The following TMEM114 variants were observed in gnomAD, a reference collection of about 807,000 sequenced individuals.
TMEM114 encodes the protein transmembrane protein 114.
A neutral mutation model predicts 6.2 loss-of-function variants in TMEM114; 6 were observed. That is an observed-to-expected ratio of 0.97 (90% CI 0.53 to 1.91). TMEM114 has a LOEUF of 1.91. Among genes scored for constraint, TMEM114 ranks in the 40% most tolerant of loss-of-function variants. The pLI is 0.01. For missense variants in TMEM114, 218 were observed against 158.3 expected (o/e 1.38, Z -2.02); for synonymous variants, 104 against 73.0 (o/e 1.42, Z -2.16).
intron 2 of TMEM114, among the ~76,000 whole-genome samples, chr16:8,554,195 C>T (rs994056751): frequency 1.8e-4 from 27 of 151,958 alleles, no homozygotes; most frequent in African/African-American, 5.8e-4. Flanking sequence ...GGCTTCTGTT[C>T]TTTAATTTTC....
At chr16:8,531,123 C>T in the TMEM114 span, among the ~76,000 whole-genome samples, 1 of 152,058 alleles carries the variant, frequency 6.6e-6, no homozygotes, top group Non-Finnish European at 1.5e-5. Context: ...ATGCATTAAG[C>T]AAAATATTTT....
chr16:8,566,759 C>G (rs866095325), downstream of TMEM114, among the ~76,000 whole-genome samples: 2 of 152,308 alleles, frequency 1.3e-5, no homozygotes, highest in Middle Eastern at 6.8e-3. Flanking sequence ...TCTGCTGTCA[C>G]CTGCCTGGTC....
chr16:8,572,975 C>G (rs1168505953), intron 2 of TMEM114, among the ~76,000 whole-genome samples: 3 of 152,176 alleles, frequency 2.0e-5, no homozygotes, highest in African/African-American at 4.8e-5. Context: ...ATCCTTCTCC[C>G]AAGGCTGGCT....
chr16:8,563,310 T>TGAGG (rs1227409370), intron 2 of TMEM114, among the ~76,000 whole-genome samples: 4 of 149,006 alleles, frequency 2.7e-5, no homozygotes, highest in Admixed American at 2.7e-4. Context: ...AATGAGTGAG[T>TGAGG]GAGGGAGGGA....
intron 2 of TMEM114, among the ~76,000 whole-genome samples, chr16:8,559,426 C>G (rs1020774348): frequency 2.0e-5 from 3 of 152,084 alleles, no homozygotes; most frequent in African/African-American, 7.2e-5. Flanking sequence ...AAAACAATGG[C>G]TGCTTCAAGC....
intron 2 of TMEM114, among the ~76,000 whole-genome samples, chr16:8,582,005 T>A (rs1902168189): frequency 6.6e-6 from 1 of 152,126 alleles, no homozygotes; most frequent in South Asian, 2.1e-4. Context: ...GTCCCTCACC[T>A]CCTCCACTCT....
chr16:8,581,364 G>C (rs975838660), intron 2 of TMEM114, among the ~76,000 whole-genome samples: 1 of 152,088 alleles, frequency 6.6e-6, no homozygotes, highest in African/African-American at 2.4e-5. Context: ...TCCATCTGTG[G>C]GCAGTGAGGC....
chr16:8,552,248 GT>G (rs1900869667), intron 2 of TMEM114, among the ~76,000 whole-genome samples: 1 of 151,900 alleles, frequency 6.6e-6, no homozygotes, highest in Non-Finnish European at 1.5e-5. Flanking sequence ...GCCAGGCATG[GT>G]TGTGTGTGCC....
chr16:8,559,840 C>G (rs1354968731), intron 2 of TMEM114, among the ~76,000 whole-genome samples: 1 of 152,142 alleles, frequency 6.6e-6, no homozygotes, highest in South Asian at 2.1e-4. Context: ...AGCACCAGGA[C>G]AAGGACTGAG....
chr16:8,561,844 GT>G (rs1901217758), intron 2 of TMEM114, among the ~76,000 whole-genome samples: 1 of 150,418 alleles, frequency 6.6e-6, no homozygotes, highest in East Asian at 2.0e-4. Flanking sequence ...GAATGAGTGA[GT>G]GAATGAATGA....
chr16:8,556,759 T>C (rs1901023478), intron 2 of TMEM114, among the ~76,000 whole-genome samples: 1 of 152,184 alleles, frequency 6.6e-6, no homozygotes, highest in Non-Finnish European at 1.5e-5. Context: ...CGCCTCAGCC[T>C]CCCAAAGTGC....
rs536557877 is a variant in TMEM114 at position 8,555,119 on chromosome 16, G to C, written n.213-17293C>G. 1.5e-4 allele frequency among the ~76,000 whole-genome samples: 23 copies of C among 152,334 alleles called. No homozygotes were observed. The Middle Eastern group carries it at 0.01, about 68-fold the overall frequency. Reference sequence around the variant, plus strand: ...GTTTTCTCTGGTTTTGCCCATGTGAGTTGGTGTTTATCATGCACATTTCCT... The same window carrying C: ...GTTTTCTCTGGTTTTGCCCATGTGACTTGGTGTTTATCATGCACATTTCCT... On this transcript the variant is annotated intron_variant and non_coding_transcript_variant, in intron 2 of 2. Coordinates refer to the TMEM114 transcript ENST00000623677.
the TMEM114 span, among the ~76,000 whole-genome samples, chr16:8,528,246 GC>G: frequency 3.0e-5 from 1 of 32,924 alleles, no homozygotes; most frequent in Non-Finnish European, 7.0e-5. Flanking sequence ...CCCAAAATGC[GC>G]ACACACACAC....
intron 2 of TMEM114, among the ~76,000 whole-genome samples, chr16:8,549,266 A>C (rs546959973): frequency 6.6e-6 from 1 of 151,388 alleles, no homozygotes; most frequent in South Asian, 2.1e-4. Flanking sequence ...TTGGGAGGCC[A>C]AGGTGGGTGG....
chr16:8,550,831 C>T (rs1359799097), intron 2 of TMEM114, among the ~76,000 whole-genome samples: 2 of 152,188 alleles, frequency 1.3e-5, no homozygotes, highest in Admixed American at 1.3e-4. Context: ...GATTCATCCC[C>T]TTCTTCACCC....
chr16:8,588,570 T>G (rs1354310030), intron 2 of TMEM114, among the ~76,000 whole-genome samples: 1 of 152,216 alleles, frequency 6.6e-6, no homozygotes, highest in Non-Finnish European at 1.5e-5. Flanking sequence ...TTTCCTTTCT[T>G]GCTTTCAGTC....
At chr16:8,564,907 G>C, downstream of TMEM114, among the ~76,000 whole-genome samples, 1 of 141,306 alleles carries the variant, frequency 7.1e-6, no homozygotes, top group Admixed American at 7.0e-5. Context: ...GTGAATGAGT[G>C]AATGAGTGAC....
chr16:8,542,722 C>A (rs971718078), intron 2 of TMEM114, among the ~76,000 whole-genome samples: 1 of 152,074 alleles, frequency 6.6e-6, no homozygotes, highest in Non-Finnish European at 1.5e-5. Context: ...TTGGAAGGAA[C>A]AGGGGAATTG....
At chr16:8,547,008 A>G (rs1900688587) in intron 2 of TMEM114, among the ~76,000 whole-genome samples, 1 of 152,200 alleles carries the variant, frequency 6.6e-6, no homozygotes, top group African/African-American at 2.4e-5. Context: ...GCATTACATA[A>G]AATACTTGTA....
Sources: gnomAD v4.1 joint callset for allele counts (sites outside exome capture counted in the v4.1 genomes callset) on GRCh38, gnomAD v4.1.1 for gene constraint, MANE v1.5 for transcripts, NCBI Gene and HGNC (gene_info 2026-07-23, HGNC 2026-07-21) for gene names.